The following FXYD7 variants were observed in gnomAD, a reference collection of about 807,000 sequenced individuals.
The protein encoded by FXYD7 is FXYD domain containing ion transport regulator 7, also known as FXYD domain-containing ion transport regulator 7.
Under a neutral mutation model 15.3 loss-of-function variants are expected in FXYD7, and 7 were observed. The ratio of observed to expected loss-of-function variants is 0.46; its 90% CI spans 0.26 to 0.86. FXYD7 has a LOEUF of 0.86. FXYD7 is among the 40% of genes least tolerant of loss of function. FXYD7 has a pLI of 0.16. For synonymous variants in FXYD7, 39 were observed against 39.3 expected (o/e 0.99, Z 0.03); for missense variants, 78 against 100.6 (o/e 0.78, Z 0.96).
At chr19:35,144,636 C>G (rs1189956596) in intron 1 of FXYD7, among the ~76,000 whole-genome samples, 1 of 130,966 alleles carries the variant, frequency 7.6e-6, no homozygotes, top group Non-Finnish European at 1.6e-5. Flanking sequence ...GAATCCGAAG[C>G]AGGGCGGGGG....
chr19:35,153,032 C>CTTTTTTTTTTTTTTT (rs1568407782), intron 5 of FXYD7, among the ~76,000 whole-genome samples: 1 of 59,498 alleles, frequency 1.7e-5, no homozygotes, highest in Non-Finnish European at 3.2e-5. Context: ...GTTTCACGTT[C>CTTTTTTTTTTTTTTT]CTTTTTTTTT....
At chr19:35,149,393 C>A in intron 2 of FXYD7, 1 of 252,152 alleles carries the variant, frequency 4.0e-6, no homozygotes, top group Non-Finnish European at 8.0e-6. Flanking sequence ...GCTAAGGCTC[C>A]CCCTTATTCA....
In FXYD7 at chr19:35,150,753, A is replaced by G. The variant is rs562272455; in HGVS notation, c.62-501A>G. Among the ~76,000 whole-genome samples the G allele has an allele frequency of 2.6e-5, 4 of 152,274 alleles. No homozygotes were observed. In the East Asian group the frequency reaches 7.7e-4, roughly 29 times the overall value. ...GTCCAAGAAGGAAAGGAACTGGATC[A>G]TATGGGACTTTGAGGGCCCTAGTGA... On this transcript the variant is annotated intron_variant, in intron 2 of 5. Coordinates refer to ENST00000270310, the MANE Select transcript of FXYD7 (RefSeq NM_022006.2).
At chr19:35,153,037 T>TTTTTTTTTTTG (rs2065320353) in intron 5 of FXYD7, among the ~76,000 whole-genome samples, 2 of 62,068 alleles carry the variant, frequency 3.2e-5, no homozygotes, top group African/African-American at 1.6e-4. Flanking sequence ...ACGTTCCTTT[T>TTTTTTTTTTTG]TTTTTTTTTT....
At chr19:35,148,771 G>A (rs750096675) in intron 2 of FXYD7, 48 bp downstream of exon 2, 11 of 1,525,964 alleles carry the variant, frequency 7.2e-6, no homozygotes, top group Admixed American at 6.7e-5. Flanking sequence ...GTAGCTGCAG[G>A]TGCTCACAGA....
In FXYD7 at chr19:35,154,107, G is replaced by C. The variant is rs1459593820; in HGVS notation, c.*191G>C. The C allele has an allele frequency of 5.2e-6, 3 of 572,734 alleles. No individual in the cohort carries two copies. In the African/African-American group the frequency reaches 5.9e-5, roughly 11 times the overall value. 35.5% of individuals were successfully genotyped at this position (572,734 alleles called of 1,614,324 possible). On this transcript the variant is annotated 3_prime_UTR_variant, in exon 6 of 6. Transcript: ENST00000270310. Reference sequence around the variant, plus strand: ...CTTGGCAATGACGATCCCCCAAAGAGCCCGTCTGCACCCCAGACCCAGGGC... The same window carrying C: ...CTTGGCAATGACGATCCCCCAAAGACCCCGTCTGCACCCCAGACCCAGGGC...
In FXYD7 at chr19:35,147,306, G is replaced by A. The variant is rs568771786; in HGVS notation, c.32-1388G>A. ...TGGAAGGGGGAAGGAGAACACCAAC[G>A]ACATCAGGCATCACCCTGGCACCCC... On this transcript the variant is annotated intron_variant, in intron 1 of 5. Coordinates refer to ENST00000270310, the MANE Select transcript of FXYD7 (RefSeq NM_022006.2). Among the ~76,000 whole-genome samples, 22 of 152,268 alleles carry A rather than the reference G, an allele frequency of 1.4e-4. No individual in the cohort carries two copies. The East Asian group carries it at 2.9e-3, about 20-fold the overall frequency.
At chr19:35,144,682 G>A (rs2065282650) in intron 1 of FXYD7, among the ~76,000 whole-genome samples, 2 of 150,906 alleles carry the variant, frequency 1.3e-5, no homozygotes, top group Admixed American at 6.6e-5. Flanking sequence ...GCTACCCTAG[G>A]GAGGGGGGCA....
intron 2 of FXYD7, chr19:35,148,982 A>G (rs1385946215): frequency 1.6e-6 from 1 of 627,962 alleles, no homozygotes; most frequent in Non-Finnish European, 3.0e-6. Context: ...GTCGCCAGAG[A>G]AGCAGATGAA....
chr19:35,152,940 T>TAAAA (rs534802680), intron 5 of FXYD7, among the ~76,000 whole-genome samples: 10 of 105,918 alleles, frequency 9.4e-5, no homozygotes, highest in African/African-American at 2.7e-4. Context: ...TTCTTATAAC[T>TAAAA]AAAAAAAAAA....
At chr19:35,153,040 T>TG (rs2065320477) in intron 5 of FXYD7, among the ~76,000 whole-genome samples, 2 of 114,688 alleles carry the variant, frequency 1.7e-5, no homozygotes, top group Non-Finnish European at 3.6e-5. Flanking sequence ...TTCCTTTTTT[T>TG]TTTTTTTTTT....
rs780612366 is a variant in FXYD7, at chr19:35,151,474, G to A, written c.171G>A (p.Arg57=). The change falls in exon 4 of 6, where the codon AGG becomes AGA. Residue 57 remains arginine (R), a synonymous_variant. Coordinates refer to ENST00000270310, the MANE Select transcript of FXYD7 (RefSeq NM_022006.2). ...KKVKCRKADS[R]SESPTCKSCK... is the part of the protein sequence containing the mutation. ...TGAAGTGCAGGAAGGCGGACTCCAG[G>A]TCTGAGAGGTCTGGCAGCAGTGGGC... 3 of 1,614,146 alleles carry A rather than the reference G, an allele frequency of 1.9e-6. No individual in the cohort carries two copies. The highest frequency in any genetic ancestry group is 2.2e-5 in the East Asian group (1 of 44,868).
chr19:35,153,221 G>A (rs560315187), intron 5 of FXYD7, among the ~76,000 whole-genome samples: 2 of 151,392 alleles, frequency 1.3e-5, no homozygotes, highest in East Asian at 1.9e-4. Context: ...CACCACACCC[G>A]GCTAATTTTT....
chr19:35,153,035 T>TTGTTTTG (rs1284253076), intron 5 of FXYD7, among the ~76,000 whole-genome samples: 13 of 88,046 alleles, frequency 1.5e-4, no homozygotes, highest in Non-Finnish European at 2.5e-4. Flanking sequence ...TCACGTTCCT[T>TTGTTTTG]TTTTTTTTTT....
chr19:35,153,640 C>G (rs1183135699), intron 5 of FXYD7, among the ~76,000 whole-genome samples: 2 of 152,222 alleles, frequency 1.3e-5, no homozygotes, highest in East Asian at 3.9e-4. Flanking sequence ...GGCGGATAGC[C>G]CCAAAAGCCC....
In FXYD7 at chr19:35,153,956, C is replaced by G. The variant is rs370838243; in HGVS notation, c.*40C>G. On this transcript the variant is annotated 3_prime_UTR_variant, in exon 6 of 6. Transcript: ENST00000270310. ...AACTCCGCTGCCGACCCTGCCTGAG[C>G]GCGGGAGCCTGAGGACCGGGTGGAG... is the stretch of plus-strand genomic sequence containing the variant. 9 of 1,601,816 alleles carry G rather than the reference C, an allele frequency of 5.6e-6. No homozygotes were observed. In the South Asian group the frequency reaches 9.9e-5, roughly 18 times the overall value.
intron 2 of FXYD7, among the ~76,000 whole-genome samples, chr19:35,150,431 AAT>A (rs1454212295): frequency 6.6e-6 from 1 of 152,214 alleles, no homozygotes; most frequent in African/African-American, 2.4e-5. Context: ...ATGAGGCAAG[AAT>A]ATTAGGCAAG....
chr19:35,153,552 A>G (rs147802254), intron 5 of FXYD7, among the ~76,000 whole-genome samples: 3 of 152,224 alleles, frequency 2.0e-5, no homozygotes, highest in Non-Finnish European at 4.4e-5. Context: ...AATGTTCAGG[A>G]CAGGGAGTGT....
Position 35,153,042 on chromosome 19 carries a change from T to TTTTTTTTTTTTTTTTTTG in FXYD7, c.221-835_221-834insGTTTTTTTTTTTTTTTTT, listed in dbSNP as rs1568407833. 2.6e-5 allele frequency among the ~76,000 whole-genome samples: 3 copies of TTTTTTTTTTTTTTTTTTG among 116,986 alleles called. No homozygotes were observed. In the East Asian group the frequency reaches 7.2e-4, roughly 28 times the overall value. The allele number at this position is 116,986 out of a possible 152,430, so 76.7% of individuals were successfully genotyped here. A position where few individuals can be genotyped will look rare whatever the true frequency, so the allele number is the denominator to read the frequency against. ...AATTTGTTTCACGTTCCTTTTTTTT[T>TTTTTTTTTTTTTTTTTTG]TTTTTTTTTTTTTTTTTTTTGAGAC... On this transcript the variant is annotated intron_variant, in intron 5 of 5. Coordinates refer to ENST00000270310, the MANE Select transcript of FXYD7 (RefSeq NM_022006.2).
Sources: gnomAD v4.1 joint callset for allele counts (sites outside exome capture counted in the v4.1 genomes callset) on GRCh38, gnomAD v4.1.1 for gene constraint, MANE v1.5 for transcripts, NCBI Gene and HGNC (gene_info 2026-07-23, HGNC 2026-07-21) for gene names.